The following ADGB variants were observed in gnomAD, a reference collection of about 807,000 sequenced individuals.
ADGB encodes calpain-7-like protein.
A neutral mutation model predicts 210.5 loss-of-function variants in ADGB; 172 were observed. The ratio of observed to expected loss-of-function variants is 0.82; its 90% CI spans 0.72 to 0.93. The LOEUF (loss-of-function observed/expected upper bound fraction) is 0.93. Among genes scored for constraint, ADGB ranks in the 40% least tolerant of loss-of-function variants. The probability of loss-of-function intolerance (pLI) is 0.00; values close to 1 mark genes in which losing one functional copy is unlikely to be tolerated. For missense variants in ADGB, 2,025 were observed against 1,964.8 expected, an observed-to-expected ratio of 1.03 and a Z score of -0.58; for synonymous variants, 658 against 662.7, an observed-to-expected ratio of 0.99 and a Z score of 0.11.
At chr6:146,639,156 A>G in intron 2 of ADGB, 1 of 154,876 alleles carries the variant, frequency 6.5e-6, no homozygotes. Flanking sequence ...CGGGAATCTG[A>G]GGTTTACATG....
intron 35 of ADGB, among the ~76,000 whole-genome samples, chr6:146,810,961 G>A (rs1272544933): frequency 6.6e-6 from 1 of 152,070 alleles, no homozygotes; most frequent in African/African-American, 2.4e-5. Context: ...AAACCATCCT[G>A]TGGTATACTT....
Position 146,620,939 on chromosome 6 carries a change from A to T in ADGB, c.75-14436A>T, listed in dbSNP as rs1448776433. Among the ~76,000 whole-genome samples, 3 of 152,128 alleles carry T rather than the reference A, an allele frequency of 2.0e-5. No individual in the cohort carries two copies. The East Asian group carries it at 5.8e-4, about 29-fold the overall frequency. ...TGCTGACATTCTTTGGTGGTTTTAG[A>T]CTTTTACTACTTAGTATTGACTCTT... On this transcript the variant is annotated intron_variant, in intron 1 of 35. Coordinates refer to ENST00000397944, the MANE Select transcript of ADGB (RefSeq NM_024694.4).
chr6:146,716,760 A>T, intron 14 of ADGB, 123 bp from the exon 15 acceptor site: 1 of 858,104 alleles, frequency 1.2e-6, no homozygotes, highest in Non-Finnish European at 1.7e-6. Context: ...TGAAGCCTGG[A>T]TTATCTCATA....
intron 13 of ADGB, among the ~76,000 whole-genome samples, chr6:146,708,426 C>T (rs1776607907): frequency 6.6e-6 from 1 of 152,076 alleles, no homozygotes; most frequent in Non-Finnish European, 1.5e-5. Flanking sequence ...ATTCCCTCAG[C>T]TTTTTTTGTT....
chr6:146,725,875 T>C, intron 18 of ADGB: 1 of 424,462 alleles, frequency 2.4e-6, no homozygotes, highest in Non-Finnish European at 4.3e-6. Flanking sequence ...ATTTTTGTCC[T>C]ACATAATAAG....
intron 6 of ADGB, among the ~76,000 whole-genome samples, chr6:146,664,744 A>G (rs1453813762): frequency 6.6e-6 from 1 of 152,100 alleles, no homozygotes; most frequent in East Asian, 1.9e-4. Context: ...ATAATTTACT[A>G]ATCTTGAAAA....
chr6:146,646,370 C>G (rs988001896), intron 3 of ADGB, among the ~76,000 whole-genome samples: 2 of 152,018 alleles, frequency 1.3e-5, no homozygotes, highest in African/African-American at 4.8e-5. Flanking sequence ...GCCAATTAAC[C>G]GTTTTAAGCA....
chr6:146,809,357 C>T (rs60242805), intron 35 of ADGB, among the ~76,000 whole-genome samples: 3,381 of 152,248 alleles, frequency 0.022, 104 homozygotes, highest in African/African-American at 0.076. Context: ...GTGGTGCAGC[C>T]ACCACGCCCG....
Position 146,736,557 on chromosome 6 carries a change from A to T in ADGB, c.2854A>T (p.Met952Leu). 6.5e-7 allele frequency: 1 copy of T among 1,549,832 alleles called. No homozygotes were observed. Among genetic ancestry groups the T allele is most frequent in the South Asian group, 1.2e-5 (1 of 83,694 alleles). ...TLQKVWAVLEMNLEQYAVSLL... is the reference protein window; with the variant it reads ...TLQKVWAVLELNLEQYAVSLL... ...TCAAAAAGTTTGGGCTGTATTGGAA[A>T]TGAATTTAGAACAGTATGCAGTTTC... The change falls in exon 23 of 36, where the codon ATG becomes TTG. Residue 952 changes from methionine to leucine, a missense_variant. By Grantham distance (15) the Met-to-Leu change is conservative. Coordinates refer to ENST00000397944, the MANE Select transcript of ADGB (RefSeq NM_024694.4).
intron 1 of ADGB, among the ~76,000 whole-genome samples, chr6:146,620,960 C>T (rs1428396640): frequency 6.6e-6 from 1 of 152,094 alleles, no homozygotes; most frequent in Non-Finnish European, 1.5e-5. Context: ...TTAGTATTGA[C>T]TCTTAAACAC....
chr6:146,812,439 T>C (rs574710558), intron 35 of ADGB, among the ~76,000 whole-genome samples: 3 of 152,390 alleles, frequency 2.0e-5, no homozygotes, highest in Non-Finnish European at 4.4e-5. Context: ...TCAATGTTTA[T>C]ACATTTCTTT....
At chr6:146,786,051 AC>A (rs1451857796) in intron 32 of ADGB, among the ~76,000 whole-genome samples, 1 of 150,982 alleles carries the variant, frequency 6.6e-6, no homozygotes, top group Non-Finnish European at 1.5e-5. Context: ...TAGGTCTACT[AC>A]TATATTATTA....
At chr6:146,665,452 C>A (rs1042678099) in intron 6 of ADGB, among the ~76,000 whole-genome samples, 1 of 151,874 alleles carries the variant, frequency 6.6e-6, no homozygotes, top group Non-Finnish European at 1.5e-5. Flanking sequence ...AGCTGAATAG[C>A]ACTAAGTATT....
intron 35 of ADGB, 69 bp from the exon 36 acceptor site, chr6:146,814,963 T>A: frequency 6.9e-7 from 1 of 1,442,678 alleles, no homozygotes; most frequent in Non-Finnish European, 9.3e-7. Flanking sequence ...GGAATTTCAT[T>A]TTTTTCTTTC....
intron 35 of ADGB, among the ~76,000 whole-genome samples, chr6:146,809,771 A>G (rs763006096): frequency 5.9e-5 from 9 of 152,350 alleles, no homozygotes; most frequent in Non-Finnish European, 1.3e-4. Context: ...ATGCAAAAGA[A>G]TAAAATAGGA....
chr6:146,692,718 G>C (rs1454121894), intron 11 of ADGB, 107 bp from the exon 12 acceptor site: 1 of 505,012 alleles, frequency 2.0e-6, no homozygotes, highest in African/African-American at 2.0e-5. Flanking sequence ...GAAATTTGCT[G>C]AGTAAATAGT....
intron 5 of ADGB, among the ~76,000 whole-genome samples, chr6:146,659,586 C>A (rs113619156): frequency 3.3e-5 from 5 of 152,164 alleles, no homozygotes; most frequent in Non-Finnish European, 7.3e-5. Flanking sequence ...GATTTTCACA[C>A]CAGGTTATCA....
intron 3 of ADGB, among the ~76,000 whole-genome samples, chr6:146,651,805 G>A (rs1456554762): frequency 1.3e-5 from 2 of 152,100 alleles, no homozygotes; most frequent in African/African-American, 4.8e-5. Flanking sequence ...TGCCTGGTGG[G>A]AAAGGAGGGA....
chr6:146,788,445 G>A lies in ADGB; in HGVS notation c.4372G>A (p.Glu1458Lys). 1.3e-6 allele frequency: 2 copies of A among 1,551,560 alleles called. No individual in the cohort carries two copies. Among genetic ancestry groups the A allele is most frequent in the African/African-American group, 1.4e-5 (1 of 73,118 alleles). ...AAACTCAAAGAATTCTGCAGGTTCA[G>A]AGAGCAAAGAGATGACACAAACAGG... The part of the protein sequence containing the change: ...EPNSKNSAGS[E>K]SKEMTQTGSG... The change falls in exon 33 of 36, where the codon GAG becomes AAG. Residue 1458 changes from glutamate (E) to lysine (K), a missense_variant. By Grantham distance (56) the Glu-to-Lys change is moderately conservative. Transcript: ENST00000397944.
Sources: allele counts gnomAD v4.1 joint callset (sites outside exome capture counted in the v4.1 genomes callset), GRCh38; gene constraint gnomAD v4.1.1; transcripts MANE v1.5; gene names NCBI Gene and HGNC (gene_info 2026-07-23, HGNC 2026-07-21).